The following ATF4 variants were observed in gnomAD, a reference collection of about 807,000 sequenced individuals.
ATF4 encodes the protein activating transcription factor 4, also known as cyclic AMP-dependent transcription factor ATF-4.
Under a neutral mutation model 21.0 loss-of-function variants are expected in ATF4, and 8 were observed. The observed-to-expected ratio is 0.38, with a 90% CI of 0.22 to 0.69. The LOEUF is 0.69. Among genes scored for constraint, ATF4 ranks in the 30% least tolerant of loss-of-function variants. The pLI, the probability that ATF4 is intolerant of heterozygous loss-of-function variation, is 0.49. For missense variants in ATF4, 549 were observed against 425.9 expected, an observed-to-expected ratio of 1.29 and a Z score of -2.54; for synonymous variants, 241 against 166.4, an observed-to-expected ratio of 1.45 and a Z score of -3.45.
Position 39,521,499 on chromosome 22 carries a change from C to A in ATF4, c.54C>A (p.Ser18=). The A allele has an allele frequency of 6.3e-7, 1 of 1,590,538 alleles. No individual in the cohort carries two copies. The highest frequency in any genetic ancestry group is 2.3e-5 in the East Asian group (1 of 44,440). ...AGGTGTTGGTGGGGGACTTGATGTC[C>A]CCCTTCGACCAGTCGGGTTTGGGGG... The part of the protein sequence containing the change: ...SSEVLVGDLM[S]PFDQSGLGAE... Residue 18 remains serine (S), a synonymous_variant, in exon 2 of 3, where the codon TCC becomes TCA. Transcript: ENST00000674920.
At position 39,521,559 on chromosome 22, in the gene ATF4, G is replaced by A. The variant is rs1297386875; in HGVS notation, c.114G>A (p.Leu38=). The A allele has an allele frequency of 6.2e-6, 10 of 1,613,444 alleles. No individual in the cohort carries two copies. The South Asian group carries it at 1.1e-4, about 18-fold the overall frequency. ...EESLGLLDDY[L]EVAKHFKPHG... ...GCCTAGGTCTCTTAGATGATTACCT[G>A]GAGGTGGCCAAGCACTTCAAACCTC... The change falls in exon 2 of 3, where the codon CTG becomes CTA. Residue 38 remains leucine (L), a synonymous_variant. Transcript: ENST00000674920.
In ATF4 at chr22:39,521,887, C is replaced by T. The variant is rs1569026006; in HGVS notation, c.341C>T (p.Thr114Ile). Residue 114 changes from threonine (T) to isoleucine (I), a missense_variant, in exon 3 of 3, where the codon ACC becomes ATC. Thr to Ile is a moderately conservative substitution (Grantham distance 89). Coordinates refer to ENST00000674920, the MANE Select transcript of ATF4 (RefSeq NM_182810.3). ...DLETMPDDLL[T>I]TLDDTCDLFA... ...GAAACCATGCCAGATGACCTTCTGA[C>T]CACGTTGGATGACACTTGTGATCTC... 6.2e-7 allele frequency: 1 copy of T among 1,614,120 alleles called. No homozygotes were observed. Among genetic ancestry groups the T allele is most frequent in the Non-Finnish European group, 8.5e-7 (1 of 1,180,008 alleles).
At position 39,521,641 on chromosome 22, in the gene ATF4, G is replaced by A. The variant is rs778813682; in HGVS notation, c.196G>A (p.Gly66Arg). Residue 66 changes from glycine (G) to arginine (R), a missense_variant, in exon 2 of 3, where the codon GGG (glycine) becomes AGG (arginine). By Grantham distance (125) the Gly-to-Arg change is moderately radical. Transcript: ENST00000674920. ...CTCCTCCGAATGGCTGGCTGTGGAT[G>A]GGTTGGTCAGTCCCTCCAACAACAG... is the stretch of plus-strand genomic sequence containing the variant. ...AGSSEWLAVD[G>R]LVSPSNNSKE... 8.1e-6 allele frequency: 13 copies of A among 1,614,120 alleles called. No individual in the cohort carries two copies. The Admixed American group carries it at 1.8e-4, about 23-fold the overall frequency.
chr22:39,521,617 T>A lies in ATF4; in HGVS notation c.172T>A (p.Ser58Thr). 1.2e-6 allele frequency: 2 copies of A among 1,614,082 alleles called. No homozygotes were observed. Among genetic ancestry groups the A allele is most frequent in the Non-Finnish European group, 1.7e-6 (2 of 1,180,000 alleles). ...CTCCAGCGACAAGGCTAAGGCGGGCTCCTCCGAATGGCTGGCTGTGGATGG... is the reference window on the plus strand; with the variant it reads ...CTCCAGCGACAAGGCTAAGGCGGGCACCTCCGAATGGCTGGCTGTGGATGG... ...GFSSDKAKAG[S>T]SEWLAVDGLV... The change falls in exon 2 of 3, where the codon TCC (serine) becomes ACC (threonine). Residue 58 changes from serine (S) to threonine (T), a missense_variant. Coordinates refer to ENST00000674920, the MANE Select transcript of ATF4 (RefSeq NM_182810.3).
Position 39,522,330 on chromosome 22 carries a change from G to T in ATF4, c.784G>T (p.Asp262Tyr). 1.2e-6 allele frequency: 2 copies of T among 1,612,684 alleles called. No homozygotes were observed. Among genetic ancestry groups the T allele is most frequent in the Non-Finnish European group, 1.7e-6 (2 of 1,179,432 alleles). Reference protein sequence around the residue: ...LCGSARPKPYDPPGEKMVAAK... With the variant: ...LCGSARPKPYYPPGEKMVAAK... ...TGGGTCTGCCCGTCCCAAACCTTAC[G>T]ATCCTCCTGGAGAGAAGATGGTAGC... The change falls in exon 3 of 3, where the codon GAT (aspartate) becomes TAT (tyrosine). Residue 262 changes from aspartate (D) to tyrosine (Y), a missense_variant. Physicochemically the swap from Asp to Tyr is radical, Grantham distance 160. Coordinates refer to ENST00000674920, the MANE Select transcript of ATF4 (RefSeq NM_182810.3).
intron 1 of ATF4, chr22:39,521,110 C>T (rs1601760536): frequency 5.7e-6 from 1 of 175,868 alleles, no homozygotes. Context: ...GGCGCGGCCG[C>T]CCTGGCCGTA....
rs767949359 is a variant in ATF4, at chr22:39,522,029, A to G, written c.483A>G (p.Gln161=). 4 of 1,612,736 alleles carry G rather than the reference A, an allele frequency of 2.5e-6. No individual in the cohort carries two copies. Among genetic ancestry groups the G allele is most frequent in the Non-Finnish European group, 3.4e-6 (4 of 1,179,534 alleles). Residue 161 remains glutamine (Q), a synonymous_variant, in exon 3 of 3, where the codon CAA becomes CAG. Coordinates refer to ENST00000674920, the MANE Select transcript of ATF4 (RefSeq NM_182810.3). ...PDQVAPFTFL[Q]PLPLSPGVLS... is the part of the protein sequence containing the mutation. ...AGGTTGCCCCCTTCACCTTCTTACA[A>G]CCTCTTCCCCTTTCCCCAGGGGTCC...
Position 39,522,368 on chromosome 22 carries a change from G to A in ATF4, c.822G>A (p.Lys274=), listed in dbSNP as rs1169142676. Residue 274 remains lysine (K), a synonymous_variant, in exon 3 of 3, where the codon AAG becomes AAA. Transcript: ENST00000674920. ...AGAAGATGGTAGCAGCAAAAGTAAA[G>A]GGTGAGAAACTGGATAAGAAGCTGA... is the stretch of plus-strand genomic sequence containing the variant. The part of the protein sequence containing the change: ...PGEKMVAAKV[K]GEKLDKKLKK... 5.0e-6 allele frequency: 8 copies of A among 1,612,798 alleles called. No individual in the cohort carries two copies. In the East Asian group the frequency reaches 1.6e-4, roughly 31 times the overall value.
Position 39,522,434 on chromosome 22 carries a change from C to T in ATF4, c.888C>T (p.Arg296=). The T allele has an allele frequency of 6.2e-7, 1 of 1,613,642 alleles. No individual in the cohort carries two copies. Among genetic ancestry groups the T allele is most frequent in the Non-Finnish European group, 8.5e-7 (1 of 1,179,744 alleles). ...EQNKTAATRY[R]QKKRAEQEAL... ...ACAAGACAGCAGCCACTAGGTACCG[C>T]CAGAAGAAGAGGGCGGAGCAGGAGG... Residue 296 remains arginine, a synonymous_variant, in exon 3 of 3, where the codon CGC becomes CGT. Coordinates refer to ENST00000674920, the MANE Select transcript of ATF4 (RefSeq NM_182810.3).
chr22:39,521,459 G>A lies in ATF4; in HGVS notation c.14G>A (p.Ser5Asn). Residue 5 changes from serine to asparagine, a missense_variant, in exon 2 of 3, where the codon AGC becomes AAC. Coordinates refer to ENST00000674920, the MANE Select transcript of ATF4 (RefSeq NM_182810.3). MTEM[S>N]FLSSEVLVGD... is the part of the protein sequence containing the mutation. ...AAGCACCGCAACATGACCGAAATGA[G>A]CTTCCTGAGCAGCGAGGTGTTGGTG... The A allele has an allele frequency of 1.3e-6, 2 of 1,547,546 alleles. No individual in the cohort carries two copies. Among genetic ancestry groups the A allele is most frequent in the Non-Finnish European group, 8.7e-7 (1 of 1,146,326 alleles).
chr22:39,521,646 G>T lies in ATF4; in HGVS notation c.201G>T (p.Leu67Phe). The T allele has an allele frequency of 6.2e-7, 1 of 1,614,082 alleles. No homozygotes were observed. The highest frequency in any genetic ancestry group is 1.1e-5 in the South Asian group (1 of 91,072). ...GSSEWLAVDG[L>F]VSPSNNSKED... ...CCGAATGGCTGGCTGTGGATGGGTT[G>T]GTCAGTCCCTCCAACAACAGCAAGG... Residue 67 changes from leucine to phenylalanine, a missense_variant, in exon 2 of 3, where the codon TTG (leucine) becomes TTT (phenylalanine). Leu to Phe is a conservative substitution (Grantham distance 22, BLOSUM62 0). Transcript: ENST00000674920.
chr22:39,522,460 C>G lies in ATF4; in HGVS notation c.914C>G (p.Ala305Gly). The change falls in exon 3 of 3, where the codon GCT (alanine) becomes GGT (glycine). Residue 305 changes from alanine (A) to glycine (G), a missense_variant. Physicochemically the swap from Ala to Gly is moderately conservative, Grantham distance 60. Transcript: ENST00000674920. The stretch of plus-strand genomic sequence containing the variant: ...CAGAAGAAGAGGGCGGAGCAGGAGG[C>G]TCTTACTGGTGAGTGCAAAGAGCTG... ...YRQKKRAEQEALTGECKELEK... is the reference protein window; with the variant it reads ...YRQKKRAEQEGLTGECKELEK... The G allele has an allele frequency of 1.9e-6, 3 of 1,613,854 alleles. No homozygotes were observed. Among genetic ancestry groups the G allele is most frequent in the Non-Finnish European group, 2.5e-6 (3 of 1,179,820 alleles).
chr22:39,521,582 C>A lies in ATF4; in HGVS notation c.137C>A (p.Pro46His). 6.2e-7 allele frequency: 1 copy of A among 1,614,052 alleles called. No individual in the cohort carries two copies. The highest frequency in any genetic ancestry group is 2.2e-5 in the East Asian group (1 of 44,874). The stretch of plus-strand genomic sequence containing the variant: ...CTGGAGGTGGCCAAGCACTTCAAAC[C>A]TCATGGGTTCTCCAGCGACAAGGCT... ...DYLEVAKHFKPHGFSSDKAKA... is the reference protein window; with the variant it reads ...DYLEVAKHFKHHGFSSDKAKA... The change falls in exon 2 of 3, where the codon CCT (proline) becomes CAT (histidine). Residue 46 changes from proline to histidine, a missense_variant. By Grantham distance (77) the Pro-to-His change is moderately conservative (BLOSUM62 -2). Transcript: ENST00000674920.
At position 39,522,235 on chromosome 22, in the gene ATF4, G is replaced by C. The variant is rs780133133; in HGVS notation, c.689G>C (p.Gly230Ala). 1.2e-6 allele frequency: 2 copies of C among 1,608,438 alleles called. No homozygotes were observed. The highest frequency in any genetic ancestry group is 1.7e-6 in the Non-Finnish European group (2 of 1,176,838). The change falls in exon 3 of 3, where the codon GGG (glycine) becomes GCG (alanine). Residue 230 changes from glycine to alanine, a missense_variant. Physicochemically the swap from Gly to Ala is moderately conservative, Grantham distance 60. Coordinates refer to ENST00000674920, the MANE Select transcript of ATF4 (RefSeq NM_182810.3). ...GICMSPESYLGSPQHSPSTRG... is the reference protein window; with the variant it reads ...GICMSPESYLASPQHSPSTRG... ...TGTATGAGCCCAGAGTCCTATCTGGGGTCTCCTCAGCACAGCCCCTCTACC... is the reference window on the plus strand; with the variant it reads ...TGTATGAGCCCAGAGTCCTATCTGGCGTCTCCTCAGCACAGCCCCTCTACC...
rs369962392 is a variant in ATF4 at position 39,521,437 on chromosome 22, C to T, written c.-9C>T. The T allele has an allele frequency of 3.9e-6, 6 of 1,526,610 alleles. No homozygotes were observed. In the African/African-American group the frequency reaches 4.2e-5, roughly 11 times the overall value. 94.6% of individuals were successfully genotyped at this position (1,526,610 alleles called of 1,614,324 possible). A position where few individuals can be genotyped will look rare whatever the true frequency, so the allele number is the denominator to read the frequency against. ...AGCACATTCCTCGATTCCAGCAAAG[C>T]ACCGCAACATGACCGAAATGAGCTT... On this transcript the variant is annotated 5_prime_UTR_variant, in exon 2 of 3. Coordinates refer to ENST00000674920, the MANE Select transcript of ATF4 (RefSeq NM_182810.3).
Position 39,521,607 on chromosome 22 carries a change from T to A in ATF4, c.162T>A (p.Ala54=). Residue 54 remains alanine (A), a synonymous_variant, in exon 2 of 3, where the codon GCT becomes GCA. Transcript: ENST00000674920. ...CTCATGGGTTCTCCAGCGACAAGGC[T>A]AAGGCGGGCTCCTCCGAATGGCTGG... is the stretch of plus-strand genomic sequence containing the variant. ...FKPHGFSSDK[A]KAGSSEWLAV... 1 of 1,614,150 alleles carries A rather than the reference T, an allele frequency of 6.2e-7. No individual in the cohort carries two copies. Among genetic ancestry groups the A allele is most frequent in the Non-Finnish European group, 8.5e-7 (1 of 1,180,018 alleles).
In ATF4 at chr22:39,522,636, C is replaced by CAT. The variant is rs534223114; in HGVS notation, c.*36_*37dup. The CAT allele has an allele frequency of 6.7e-7, 1 of 1,484,252 alleles. No individual in the cohort carries two copies. Among genetic ancestry groups the CAT allele is most frequent in the South Asian group, 1.4e-5 (1 of 71,888 alleles). 91.9% of individuals were successfully genotyped at this position (1,484,252 alleles called of 1,614,324 possible). ...AGTCAGGAGCGTCAATGTGCTTGTA[C>CAT]ATAGAGTGCTGTAGCTGTGTGTTCC... On this transcript the variant is annotated 3_prime_UTR_variant, in exon 3 of 3. Transcript: ENST00000674920.
In ATF4 at chr22:39,521,922, CT is replaced by C. The variant is rs746282616; in HGVS notation, c.377del (p.Leu126GlnfsTer13). 8 of 1,613,584 alleles carry C rather than the reference CT, an allele frequency of 5.0e-6. No individual in the cohort carries two copies. The highest frequency in any genetic ancestry group is 8.5e-7 in the Non-Finnish European group (1 of 1,179,824). ...LDDTCDLFAPLVQETNKQPPQ... is the reference protein window; with the variant it reads ...LDDTCDLFAPXVQETNKQPPQ... ...TGACACTTGTGATCTCTTTGCCCCC[CT>C]AGTCCAGGAGACTAATAAGCAGCCC... On this transcript the variant is annotated frameshift_variant, in exon 3 of 3. Coordinates refer to ENST00000674920, the MANE Select transcript of ATF4 (RefSeq NM_182810.3). LOFTEE classifies it high-confidence loss of function.
chr22:39,522,287 A>G lies in ATF4; in HGVS notation c.741A>G (p.Pro247=), dbSNP rs1835674161. ...GGGGCTCTCCAAATAGGAGCCTCCC[A>G]TCTCCAGGTGTTCTCTGTGGGTCTG... The part of the protein sequence containing the change: ...STRGSPNRSL[P]SPGVLCGSAR... The change falls in exon 3 of 3, where the codon CCA becomes CCG. Residue 247 remains proline, a synonymous_variant. Transcript: ENST00000674920. 1 of 1,608,180 alleles carries G rather than the reference A, an allele frequency of 6.2e-7. No homozygotes were observed. Among genetic ancestry groups the G allele is most frequent in the Non-Finnish European group, 8.5e-7 (1 of 1,177,760 alleles).
Sources: gnomAD v4.1 joint callset for allele counts on GRCh38, gnomAD v4.1.1 for gene constraint, MANE v1.5 for transcripts, NCBI Gene and HGNC (gene_info 2026-07-23, HGNC 2026-07-21) for gene names.